Variants in PTPRG observed in about 807,000 individuals in gnomAD.
PTPRG encodes protein tyrosine phosphatase receptor type G.
PTPRG carries 102 observed loss-of-function variants against 165.3 expected under a neutral mutation model. The observed-to-expected ratio is 0.62, with a 90% CI of 0.53 to 0.73. The LOEUF (loss-of-function observed/expected upper bound fraction) is 0.73. Ranked by LOEUF, PTPRG falls within the 30% of genes least tolerant of loss-of-function variation. PTPRG has a pLI of 0.00. For synonymous variants in PTPRG, 675 were observed against 669.5 expected, an observed-to-expected ratio of 1.01 and a Z score of -0.13; for missense variants, 1,866 against 1,861.4, an observed-to-expected ratio of 1.00 and a Z score of -0.05.
chr3:62,204,040 A>G, intron 12 of PTPRG, 90 bp downstream of exon 12: 1 of 1,482,724 alleles, frequency 6.7e-7, no homozygotes, highest in Non-Finnish European at 9.0e-7. Flanking sequence ...GTGAAGCTTC[A>G]GAAGGTACTT....
At chr3:61,890,986 A>G (rs573546355) in intron 2 of PTPRG, among the ~76,000 whole-genome samples, 2 of 152,304 alleles carry the variant, frequency 1.3e-5, no homozygotes, top group East Asian at 3.9e-4. Flanking sequence ...GTTTTTACGG[A>G]TAGCAACTTT....
intron 7 of PTPRG, among the ~76,000 whole-genome samples, chr3:62,159,610 T>C (rs371304768): frequency 1.3e-5 from 2 of 152,188 alleles, no homozygotes; most frequent in East Asian, 3.8e-4. Context: ...TCCTCACTAT[T>C]CCACTCTCTG....
chr3:62,230,893 A>C (rs149151909), intron 13 of PTPRG, among the ~76,000 whole-genome samples: 15 of 152,328 alleles, frequency 9.8e-5, no homozygotes, highest in African/African-American at 3.6e-4. Context: ...CAGTGTGTCA[A>C]AGGTGGAAGA....
intron 2 of PTPRG, among the ~76,000 whole-genome samples, chr3:61,931,012 GA>G (rs1440426356): frequency 1.3e-5 from 2 of 152,212 alleles, no homozygotes; most frequent in Non-Finnish European, 2.9e-5. Flanking sequence ...AGTGAGCTGA[GA>G]TCACGCCACT....
At chr3:61,675,521 G>A (rs143380186) in intron 1 of PTPRG, among the ~76,000 whole-genome samples, 1,867 of 152,278 alleles carry the variant, frequency 0.012, 32 homozygotes, top group African/African-American at 0.042. Flanking sequence ...AGGTATCACT[G>A]TTAGCATTTC....
At chr3:62,106,923 G>C (rs529860152) in intron 5 of PTPRG, among the ~76,000 whole-genome samples, 3 of 152,254 alleles carry the variant, frequency 2.0e-5, no homozygotes, top group African/African-American at 7.2e-5. Context: ...TATAATGATC[G>C]ATATTAATAC....
intron 28 of PTPRG, among the ~76,000 whole-genome samples, chr3:62,287,861 GC>G (rs910566220): frequency 6.6e-6 from 1 of 152,058 alleles, no homozygotes; most frequent in African/African-American, 2.4e-5. Flanking sequence ...ATATACATAG[GC>G]CATAAATGGA....
At position 62,073,903 on chromosome 3, in the gene PTPRG, A is replaced by G. The variant is rs1575969082; in HGVS notation, c.520-4260A>G. On this transcript the variant is annotated intron_variant, in intron 4 of 29. Transcript: ENST00000474889. ...GAAGAGGTCAGTGTAAAAAGACAGG[A>G]CAACTAAATACAAAGTTTGATCCTA... is the stretch of plus-strand genomic sequence containing the variant. Among the ~76,000 whole-genome samples the G allele has an allele frequency of 2.0e-5, 3 of 152,344 alleles. 1 individual carries two copies. Among genetic ancestry groups the G allele is most frequent in the Admixed American group, 2.0e-4 (3 of 15,308 alleles).
chr3:61,666,182 C>T lies in PTPRG; in HGVS notation c.86-82696C>T, dbSNP rs115146087. ...CAGATGCTCGATAAAAACCTCTGTT[C>T]CTCTTATGCCGGCTGGTGAAGATCA... On this transcript the variant is annotated intron_variant, in intron 1 of 29. Transcript: ENST00000474889. 5.7e-3 allele frequency among the ~76,000 whole-genome samples: 864 copies of T among 152,268 alleles called. 11 individuals carry two copies. The highest frequency in any genetic ancestry group is 0.02 in the African/African-American group (835 of 41,550).
At chr3:61,573,970 G>C (rs1463127220) in intron 1 of PTPRG, among the ~76,000 whole-genome samples, 3 of 152,018 alleles carry the variant, frequency 2.0e-5, no homozygotes, top group Non-Finnish European at 4.4e-5. Context: ...ATTCTAATTA[G>C]AGGACAAATG....
chr3:61,692,578 G>A (rs555239771), intron 1 of PTPRG, among the ~76,000 whole-genome samples: 17 of 152,256 alleles, frequency 1.1e-4, no homozygotes, highest in Non-Finnish European at 2.4e-4. Flanking sequence ...GAGAGTCAGC[G>A]AGGCGAGGTA....
intron 4 of PTPRG, among the ~76,000 whole-genome samples, chr3:62,004,245 T>G (rs2041239531): frequency 6.6e-6 from 1 of 152,220 alleles, no homozygotes; most frequent in African/African-American, 2.4e-5. Context: ...CATGTTTGTT[T>G]CTTGGTAGGT....
intron 1 of PTPRG, among the ~76,000 whole-genome samples, chr3:61,701,318 C>T (rs766218125): frequency 7.2e-5 from 11 of 152,154 alleles, no homozygotes; most frequent in Admixed American, 4.6e-4. Flanking sequence ...TATCTGACAA[C>T]TCCTCAATAT....
At chr3:61,751,268 C>CTTA (rs2033419122) in intron 2 of PTPRG, among the ~76,000 whole-genome samples, 2 of 152,176 alleles carry the variant, frequency 1.3e-5, no homozygotes, top group Non-Finnish European at 1.5e-5. Context: ...TTGGGTACAT[C>CTTA]AGACCAGCAC....
intron 2 of PTPRG, among the ~76,000 whole-genome samples, chr3:61,817,154 TAA>T (rs1418284986): frequency 8.5e-6 from 1 of 117,168 alleles, no homozygotes; most frequent in Non-Finnish European, 1.7e-5. Flanking sequence ...TACATATATA[TAA>T]TATATAATAT....
At chr3:62,066,569 G>A (rs1164959688) in intron 4 of PTPRG, among the ~76,000 whole-genome samples, 1 of 152,180 alleles carries the variant, frequency 6.6e-6, no homozygotes, top group Admixed American at 6.5e-5. Flanking sequence ...AGTTCCAGAT[G>A]CACCTAGGGG....
intron 2 of PTPRG, among the ~76,000 whole-genome samples, chr3:61,777,164 AT>A (rs1234156594): frequency 6.6e-6 from 1 of 152,128 alleles, no homozygotes; most frequent in Admixed American, 6.6e-5. Flanking sequence ...CGGTAGCTTT[AT>A]TTTTTAAAGA....
intron 2 of PTPRG, among the ~76,000 whole-genome samples, chr3:61,803,649 T>A (rs1575676558): frequency 6.6e-6 from 1 of 152,192 alleles, no homozygotes; most frequent in Non-Finnish European, 1.5e-5. Flanking sequence ...TCCTGAATGT[T>A]GCACTTTTAC....
chr3:61,634,544 T>A (rs2106937295), intron 1 of PTPRG, among the ~76,000 whole-genome samples: 1 of 151,978 alleles, frequency 6.6e-6, no homozygotes. Flanking sequence ...CGGCTGTGTG[T>A]GTGTGTTTTT....
Sources: gnomAD v4.1 joint callset for allele counts (sites outside exome capture counted in the v4.1 genomes callset) on GRCh38, gnomAD v4.1.1 for gene constraint, MANE v1.5 for transcripts, NCBI Gene and HGNC (gene_info 2026-07-23, HGNC 2026-07-21) for gene names.